SYBU: variants seen among roughly 807,000 people sequenced by gnomAD.
The protein encoded by SYBU is syntabulin.
SYBU carries 21 observed loss-of-function variants against 35.9 expected under a neutral mutation model. The ratio of observed to expected loss-of-function variants is 0.58; its 90% CI spans 0.41 to 0.84. The LOEUF is 0.84. Ranked by LOEUF, SYBU falls within the 40% of genes least tolerant of loss-of-function variation. The pLI is 0.00. For missense variants in SYBU, 768 were observed against 848.2 expected, an observed-to-expected ratio of 0.91 and a Z score of 1.17; for synonymous variants, 319 against 324.3, an observed-to-expected ratio of 0.98 and a Z score of 0.18.
chr8:109,645,186 GAA>G (rs1257641915), upstream of SYBU: 2 of 456,766 alleles, frequency 4.4e-6, no homozygotes, highest in Non-Finnish European at 8.8e-6. Context: ...ACAAAATAGA[GAA>G]AGTTTTCCCC....
In SYBU at chr8:109,586,027, C is replaced by T. The variant is rs77164737; in HGVS notation, c.530+33G>A. 12,242 of 1,517,044 alleles carry T rather than the reference C, an allele frequency of 8.1e-3. 853 individuals carry two copies. In the African/African-American group the frequency reaches 0.15, roughly 18 times the overall value. The allele number at this position is 1,517,044 out of a possible 1,614,324, so 94.0% of individuals were successfully genotyped here. ...GTGCAGGTGAGTCACCTGTGTAAAG[C>T]GTCTTAATTACAGAGCAGGAGATGG... On this transcript the variant is annotated intron_variant, in intron 4 of 6. Transcript: ENST00000276646.
intron 1 of SYBU, among the ~76,000 whole-genome samples, chr8:109,678,134 C>CAAAAAAAA (rs758399888): frequency 7.0e-5 from 3 of 43,144 alleles, no homozygotes; most frequent in Admixed American, 3.0e-4. Context: ...AACTCCACCT[C>CAAAAAAAA]AAAAAAAAAA....
chr8:109,659,216 A>T (rs560203395), intron 1 of SYBU, among the ~76,000 whole-genome samples: 1 of 152,304 alleles, frequency 6.6e-6, no homozygotes, highest in East Asian at 1.9e-4. Flanking sequence ...GCTTACATTT[A>T]CTTTCAGAAA....
rs2129657209 is a variant in SYBU, at chr8:109,584,193, C to A, written c.530+1867G>T. Among the ~76,000 whole-genome samples, 1 of 152,216 alleles carries A rather than the reference C, an allele frequency of 6.6e-6. No homozygotes were observed. The highest frequency in any genetic ancestry group is 2.1e-4 in the South Asian group (1 of 4,810). ...TTTCCATCTATTAATTTTTGTTAAA[C>A]CTTTGAAGTCTATTATTGCTTGGCT... On this transcript the variant is annotated intron_variant, in intron 4 of 6. Coordinates refer to ENST00000276646, the MANE Select transcript of SYBU (RefSeq NM_001099754.2). This position sits in a 1 kb window ranked among gnomAD's most constrained non-coding sequence, Gnocchi z 4.0.
At chr8:109,660,634 A>C (rs1816526786) in intron 1 of SYBU, among the ~76,000 whole-genome samples, 1 of 151,082 alleles carries the variant, frequency 6.6e-6, no homozygotes, top group South Asian at 2.2e-4. Context: ...AGTAAATGGC[A>C]ATATTCTAAA....
chr8:109,586,966 CTGA>C (rs1159042533), intron 3 of SYBU, among the ~76,000 whole-genome samples: 80 of 152,066 alleles, frequency 5.3e-4, no homozygotes, highest in Admixed American at 1.6e-3. Flanking sequence ...ATATGTAGTT[CTGA>C]AAGAGTAATA....
chr8:109,652,299 T>C (rs1011823523), intron 1 of SYBU, among the ~76,000 whole-genome samples: 1 of 152,074 alleles, frequency 6.6e-6, no homozygotes, highest in Admixed American at 6.6e-5. Flanking sequence ...TTCTTCAGAG[T>C]TCCTTTCTCT....
At chr8:109,618,262 T>C (rs891981720) in intron 3 of SYBU, among the ~76,000 whole-genome samples, 2 of 152,256 alleles carry the variant, frequency 1.3e-5, no homozygotes, top group African/African-American at 4.8e-5. Flanking sequence ...CTGATGCTGC[T>C]GGCATTTCAT....
chr8:109,645,035 G>C (rs1336657832), upstream of SYBU: 1 of 493,384 alleles, frequency 2.0e-6, no homozygotes, highest in Admixed American at 2.5e-5. Flanking sequence ...AAGGAGCTCG[G>C]CCCGGTGTAG....
rs561572123 is a variant in SYBU, at chr8:109,680,373, C to T, written c.-129+338G>A. 2.0e-4 allele frequency among the ~76,000 whole-genome samples: 16 copies of T among 81,088 alleles called. 1 individual carries two copies. Among genetic ancestry groups the T allele is most frequent in the African/African-American group, 1.1e-3 (16 of 14,008 alleles). The allele number at this position is 81,088 out of a possible 152,430, so 53.2% of individuals were successfully genotyped here. A position where few individuals can be genotyped will look rare whatever the true frequency, so the allele number is the denominator to read the frequency against. On this transcript the variant is annotated intron_variant, in intron 1 of 5. Coordinates refer to the SYBU transcript ENST00000408889. ...ATCAGAGAGACTCAGAGTGAAGAAC[C>T]GAAAGAAATTAGTTTTGTACAGTTT... is the stretch of plus-strand genomic sequence containing the variant.
chr8:109,653,559 G>A (rs899164218), intron 1 of SYBU, among the ~76,000 whole-genome samples: 2 of 152,190 alleles, frequency 1.3e-5, no homozygotes, highest in African/African-American at 4.8e-5. Flanking sequence ...CCCTGTGGAT[G>A]AATGACACTG....
intron 1 of SYBU, among the ~76,000 whole-genome samples, chr8:109,654,690 C>T (rs1816284211): frequency 6.6e-6 from 1 of 152,172 alleles, no homozygotes; most frequent in South Asian, 2.1e-4. Context: ...CTCACAGGGT[C>T]CACAAACTCA....
At position 109,691,259 on chromosome 8, in the gene SYBU, A is replaced by G. The variant is rs1817638177; in HGVS notation, c.-58+74T>C. ...AGCGCCCCATCACTGCCCTCATTGT[A>G]CCGAAGACCATCAGTTGCCCTCCCG... On this transcript the variant is annotated intron_variant, in intron 1 of 7. Transcript: ENST00000422135. This position sits in a 1 kb window ranked among gnomAD's most constrained non-coding sequence, Gnocchi z 4.7. 1 of 694,002 alleles carries G rather than the reference A, an allele frequency of 1.4e-6. No homozygotes were observed. The allele number at this position is 694,002 out of a possible 1,614,324, so 43.0% of individuals were successfully genotyped here. A position where few individuals can be genotyped will look rare whatever the true frequency, so the allele number is the denominator to read the frequency against.
chr8:109,578,179 G>A (rs1822579209), intron 5 of SYBU, among the ~76,000 whole-genome samples, 162 bp from the exon 6 acceptor site: 2 of 152,164 alleles, frequency 1.3e-5, no homozygotes, highest in South Asian at 4.1e-4. Context: ...ACGACTTTGG[G>A]AATTAGCCCA....
At chr8:109,626,778 T>C (rs149199735) in intron 2 of SYBU, among the ~76,000 whole-genome samples, 22 of 152,258 alleles carry the variant, frequency 1.4e-4, no homozygotes, top group Middle Eastern at 6.8e-3. Flanking sequence ...GGCATGATAG[T>C]GCATACCTGT....
chr8:109,668,599 AC>A (rs1461891823), intron 1 of SYBU, among the ~76,000 whole-genome samples: 1 of 152,230 alleles, frequency 6.6e-6, no homozygotes, highest in Non-Finnish European at 1.5e-5. Context: ...GGATGTCACC[AC>A]ACAATTTTCC....
chr8:109,673,038 G>C (rs1207136025), intron 1 of SYBU, among the ~76,000 whole-genome samples: 1 of 152,228 alleles, frequency 6.6e-6, no homozygotes, highest in Non-Finnish European at 1.5e-5. Context: ...CCACTCAGGG[G>C]CTTATATATA....
At chr8:109,579,772 T>C (rs1822794037) in intron 5 of SYBU, 27 bp downstream of exon 5, 4 of 1,599,100 alleles carry the variant, frequency 2.5e-6, no homozygotes, top group Non-Finnish European at 3.4e-6. Flanking sequence ...CAAACTAAGA[T>C]GCATGAATTA....
intron 1 of SYBU, among the ~76,000 whole-genome samples, chr8:109,672,843 G>C (rs1352054303): frequency 2.6e-5 from 4 of 152,188 alleles, no homozygotes; most frequent in Admixed American, 6.5e-5. Flanking sequence ...GAGCTTGGTG[G>C]GGGGAGGGGC....
Sources: gnomAD v4.1 joint callset for allele counts (sites outside exome capture counted in the v4.1 genomes callset) on GRCh38, gnomAD v4.1.1 for gene constraint, Gnocchi (gnomAD v3.1) non-coding constraint, MANE v1.5 for transcripts, NCBI Gene and HGNC (gene_info 2026-07-23, HGNC 2026-07-21) for gene names.